IGFBP5: variants seen among roughly 807,000 people sequenced by gnomAD.
The protein encoded by IGFBP5 is insulin-like growth factor-binding protein 5.
IGFBP5 carries 12 observed loss-of-function variants against 28.0 expected under a neutral mutation model. The observed-to-expected ratio is 0.43, with a 90% CI of 0.27 to 0.69. The LOEUF (loss-of-function observed/expected upper bound fraction) is 0.69, where lower values mean the gene tolerates loss of function less well. Among genes scored for constraint, IGFBP5 ranks in the 30% least tolerant of loss-of-function variants. The pLI is 0.20. For synonymous variants in IGFBP5, 152 were observed against 150.2 expected, an observed-to-expected ratio of 1.01 and a Z score of -0.09; for missense variants, 344 against 381.6, an observed-to-expected ratio of 0.90 and a Z score of 0.82.
intron 1 of IGFBP5, among the ~76,000 whole-genome samples, chr2:216,680,056 C>T (rs1210211618): frequency 1.3e-5 from 2 of 152,042 alleles, no homozygotes; most frequent in Non-Finnish European, 2.9e-5. Context: ...TCCCTGGGTC[C>T]CCTTCTCCTC....
chr2:216,690,790 A>G (rs1261787905), intron 1 of IGFBP5, among the ~76,000 whole-genome samples: 2 of 150,828 alleles, frequency 1.3e-5, no homozygotes, highest in Non-Finnish European at 3.0e-5. Context: ...GAGAAAGGGG[A>G]AAAAGAGAAA....
At chr2:216,680,287 A>T (rs1309331129) in intron 1 of IGFBP5, among the ~76,000 whole-genome samples, 1 of 152,182 alleles carries the variant, frequency 6.6e-6, no homozygotes, top group Non-Finnish European at 1.5e-5. Flanking sequence ...AATGAGGTGA[A>T]AGAAAATTCT....
Position 216,694,703 on chromosome 2 carries a change from C to T in IGFBP5, c.73G>A (p.Val25Met), listed in dbSNP as rs1689146694. ...TTCTCGTCGCAGGGCTCGCAGTGCA[C>T]GAAGGAGCCCAGGCTCTGGGCCGGC... ...AGPAQSLGSF[V>M]HCEPCDEKAL... The change falls in exon 1 of 4, where the codon GTG (valine) becomes ATG (methionine). Residue 25 changes from valine to methionine, a missense_variant. Physicochemically the swap from Val to Met is conservative, Grantham distance 21. Coordinates refer to ENST00000233813, the MANE Select transcript of IGFBP5 (RefSeq NM_000599.4). This position sits in a 1 kb window ranked among gnomAD's most constrained non-coding sequence, Gnocchi z 5.2. The T allele has an allele frequency of 6.7e-7, 1 of 1,497,642 alleles. No homozygotes were observed. Among genetic ancestry groups the T allele is most frequent in the Admixed American group, 2.3e-5 (1 of 43,412 alleles). 92.8% of individuals were successfully genotyped at this position (1,497,642 alleles called of 1,614,324 possible). A position where few individuals can be genotyped will look rare whatever the true frequency, so the allele number is the denominator to read the frequency against.
At chr2:216,684,958 G>C (rs987574501) in intron 1 of IGFBP5, among the ~76,000 whole-genome samples, 4 of 152,140 alleles carry the variant, frequency 2.6e-5, no homozygotes. Flanking sequence ...GATTCACTGG[G>C]CTTCTCTTTG....
chr2:216,687,231 C>G (rs741384), intron 1 of IGFBP5, among the ~76,000 whole-genome samples: 77,228 of 151,994 alleles, frequency 0.51, 19,751 homozygotes, highest in East Asian at 0.58. Flanking sequence ...CAGGTGCTCT[C>G]CGGACCCGTC....
intron 1 of IGFBP5, among the ~76,000 whole-genome samples, chr2:216,693,639 C>A (rs1689128408): frequency 6.6e-6 from 1 of 152,152 alleles, no homozygotes; most frequent in African/African-American, 2.4e-5. Context: ...CAGAAACGAA[C>A]ACCAGGCACA....
Position 216,674,598 on chromosome 2 carries a change from G to A in IGFBP5, c.*2153C>T, listed in dbSNP as rs190547679. On this transcript the variant is annotated 3_prime_UTR_variant, in exon 4 of 4. Coordinates refer to ENST00000233813, the MANE Select transcript of IGFBP5 (RefSeq NM_000599.4). This position sits in a 1 kb window ranked among gnomAD's most constrained non-coding sequence, Gnocchi z 4.4. The stretch of plus-strand genomic sequence containing the variant: ...AAGAGAGCTGTGTCCACAGCACGAA[G>A]GGGTCTCCTTGGCCAGTGTCCAAGC... The A allele has an allele frequency of 6.6e-6, 1 of 152,398 alleles. No homozygotes were observed. The highest frequency in any genetic ancestry group is 2.4e-5 in the African/African-American group (1 of 41,592). The allele number at this position is 152,398 out of a possible 1,614,324, so 9.4% of individuals were successfully genotyped here.
intron 1 of IGFBP5, among the ~76,000 whole-genome samples, chr2:216,682,800 C>T (rs1688991487): frequency 1.3e-5 from 2 of 152,002 alleles, no homozygotes; most frequent in Admixed American, 6.5e-5. Flanking sequence ...GCTCCGCCTC[C>T]TGGGTTTACG....
chr2:216,695,225 C>T lies in IGFBP5; in HGVS notation c.-450G>A, dbSNP rs1420919997. 1.3e-5 allele frequency: 2 copies of T among 154,042 alleles called. No homozygotes were observed. The highest frequency in any genetic ancestry group is 2.9e-5 in the Non-Finnish European group (2 of 69,406). 9.5% of individuals were successfully genotyped at this position (154,042 alleles called of 1,614,324 possible). On this transcript the variant is annotated 5_prime_UTR_variant, in exon 1 of 4. The change creates a new upstream start codon in the 5' untranslated region. Coordinates refer to ENST00000233813, the MANE Select transcript of IGFBP5 (RefSeq NM_000599.4). ...ATTTTTGCTTAAAATCTAAAATACA[C>T]CCCGCTTTCTAACCCTCAGCTGCCA...
intron 2 of IGFBP5, 123 bp from the exon 3 acceptor site, chr2:216,678,354 T>A: frequency 1.0e-6 from 1 of 998,606 alleles, no homozygotes; most frequent in Non-Finnish European, 1.4e-6. Flanking sequence ...CCTTTGGTTC[T>A]AATCATCTGC....
At chr2:216,689,454 C>T (rs907397535) in intron 1 of IGFBP5, among the ~76,000 whole-genome samples, 1 of 152,184 alleles carries the variant, frequency 6.6e-6, no homozygotes, top group Non-Finnish European at 1.5e-5. Flanking sequence ...ACTTTGGGGC[C>T]GCTTCACTCC....
Position 216,678,246 on chromosome 2 carries a change from G to A in IGFBP5, c.568-15C>T. On this transcript the variant is annotated splice_polypyrimidine_tract_variant and intron_variant, in intron 2 of 3. Transcript: ENST00000233813. ...CGGCAGGGGCCCTGTGTGGACAGGA[G>A]GGTGAGAGGCGTGGCGAGACCAAGG... 6.5e-7 allele frequency: 1 copy of A among 1,528,226 alleles called. No individual in the cohort carries two copies. The highest frequency in any genetic ancestry group is 8.8e-7 in the Non-Finnish European group (1 of 1,132,602). The allele number at this position is 1,528,226 out of a possible 1,614,324, so 94.7% of individuals were successfully genotyped here.
chr2:216,680,089 C>A (rs1163403623), intron 1 of IGFBP5, among the ~76,000 whole-genome samples: 1 of 152,114 alleles, frequency 6.6e-6, no homozygotes, highest in East Asian at 1.9e-4. Context: ...CCTCCCCCAG[C>A]CTCAGAGGAA....
rs1559186426 is a variant in IGFBP5 at position 216,679,269 on chromosome 2, A to G, written c.338-190T>C. The stretch of plus-strand genomic sequence containing the variant: ...CAGAGGGAATGCTCATTTAAGTGGC[A>G]GGAAGTTTCTGGCATGCTTGGAGTC... On this transcript the variant is annotated intron_variant, in intron 1 of 3. Coordinates refer to ENST00000233813, the MANE Select transcript of IGFBP5 (RefSeq NM_000599.4). This position sits in a 1 kb window ranked among gnomAD's most constrained non-coding sequence, Gnocchi z 4.6. 1.6e-6 allele frequency: 1 copy of G among 628,346 alleles called. No homozygotes were observed. 38.9% of individuals were successfully genotyped at this position (628,346 alleles called of 1,614,324 possible).
intron 1 of IGFBP5, among the ~76,000 whole-genome samples, chr2:216,691,536 T>G (rs1689095343): frequency 6.6e-6 from 1 of 152,128 alleles, no homozygotes. Context: ...TTTTTCCGTA[T>G]CTATCTCTGC....
rs1452078946 is a variant in IGFBP5, at chr2:216,672,476, T to C, written c.*4275A>G. ...TATGGTATGAATGTATGTAAAACTATAGAGAACTACAGTAATATGTACTGT... is the reference window on the plus strand; with the variant it reads ...TATGGTATGAATGTATGTAAAACTACAGAGAACTACAGTAATATGTACTGT... On this transcript the variant is annotated 3_prime_UTR_variant, in exon 4 of 4. Coordinates refer to ENST00000233813, the MANE Select transcript of IGFBP5 (RefSeq NM_000599.4). The C allele has an allele frequency of 6.6e-6, 1 of 151,344 alleles. No individual in the cohort carries two copies. Among genetic ancestry groups the C allele is most frequent in the Admixed American group, 6.6e-5 (1 of 15,198 alleles). The allele number at this position is 151,344 out of a possible 1,614,324, so 9.4% of individuals were successfully genotyped here.
chr2:216,682,546 G>A (rs1399278641), intron 1 of IGFBP5, among the ~76,000 whole-genome samples: 1 of 152,166 alleles, frequency 6.6e-6, no homozygotes, highest in Non-Finnish European at 1.5e-5. Context: ...ATACCCGGGA[G>A]GACTTCCTGG....
intron 1 of IGFBP5, among the ~76,000 whole-genome samples, chr2:216,689,896 A>G (rs1482132974): frequency 2.0e-5 from 3 of 152,226 alleles, no homozygotes; most frequent in African/African-American, 7.2e-5. Context: ...CTAAACCAAC[A>G]GCATAGTGGC....
In IGFBP5 at chr2:216,676,506, G is replaced by C; in HGVS notation, c.*245C>G. ...CTTCCCTTCTCTGTTCATCCAACTT[G>C]CCTCAAAAAGAAAACCATTTAAAGG... On this transcript the variant is annotated 3_prime_UTR_variant, in exon 4 of 4. Coordinates refer to ENST00000233813, the MANE Select transcript of IGFBP5 (RefSeq NM_000599.4). The C allele has an allele frequency of 3.3e-6, 1 of 299,482 alleles. No individual in the cohort carries two copies. 18.6% of individuals were successfully genotyped at this position (299,482 alleles called of 1,614,324 possible). A position where few individuals can be genotyped will look rare whatever the true frequency, so the allele number is the denominator to read the frequency against.
Sources: allele counts gnomAD v4.1 joint callset (sites outside exome capture counted in the v4.1 genomes callset), GRCh38; gene constraint gnomAD v4.1.1; non-coding constraint Gnocchi (gnomAD v3.1); transcripts MANE v1.5; gene names NCBI Gene and HGNC (gene_info 2026-07-23, HGNC 2026-07-21).